Variants in C3orf33 observed in about 807,000 individuals in gnomAD.
C3orf33 encodes mitochondrial inner membrane subdomain organizer 1, also known as AP-1 activity suppressor.
C3orf33 carries 23 observed loss-of-function variants against 28.7 expected under a neutral mutation model. The ratio of observed to expected loss-of-function variants is 0.80; its 90% CI spans 0.58 to 1.13. The LOEUF (loss-of-function observed/expected upper bound fraction) is 1.13, where lower values mean the gene tolerates loss of function less well. C3orf33 is among the 50% of genes most tolerant of loss of function. The pLI, the probability that C3orf33 is intolerant of heterozygous loss-of-function variation, is 0.00. For missense variants in C3orf33, 327 were observed against 353.4 expected (o/e 0.93, Z 0.60); for synonymous variants, 119 against 120.5 (o/e 0.99, Z 0.08).
At chr3:155,783,352 G>A (rs541408872) in intron 2 of C3orf33, among the ~76,000 whole-genome samples, 15 of 151,814 alleles carry the variant, frequency 9.9e-5, no homozygotes, top group Non-Finnish European at 1.6e-4. Context: ...ACACGTTTTC[G>A]CCATGTTGGC....
intron 3 of C3orf33, among the ~76,000 whole-genome samples, chr3:155,768,717 A>G (rs1248819506): frequency 2.0e-5 from 3 of 152,254 alleles, no homozygotes. Flanking sequence ...CTTTAGTTCA[A>G]GAAGATATCC....
intron 2 of C3orf33, among the ~76,000 whole-genome samples, chr3:155,798,333 T>C (rs995039508): frequency 6.6e-6 from 1 of 152,216 alleles, no homozygotes; most frequent in East Asian, 1.9e-4. Context: ...CTGAGTATAA[T>C]GAACAAAACT....
At chr3:155,796,875 G>A (rs1410498998) in intron 2 of C3orf33, among the ~76,000 whole-genome samples, 1 of 152,122 alleles carries the variant, frequency 6.6e-6, no homozygotes, top group South Asian at 2.1e-4. Context: ...TAAATCAATC[G>A]ATGTGATACA....
chr3:155,786,949 A>C (rs931157443), intron 2 of C3orf33, among the ~76,000 whole-genome samples: 2 of 152,210 alleles, frequency 1.3e-5, no homozygotes, highest in Non-Finnish European at 2.9e-5. Flanking sequence ...ATCTCCCAAC[A>C]AAAGGAAGCC....
chr3:155,765,966 T>G (rs1187369014), intron 4 of C3orf33, among the ~76,000 whole-genome samples: 1 of 152,252 alleles, frequency 6.6e-6, no homozygotes, highest in Non-Finnish European at 1.5e-5. Context: ...ATTAATGAAT[T>G]TCATTAAGCT....
At position 155,775,689 on chromosome 3, in the gene C3orf33, T is replaced by G. The variant is rs778267617; in HGVS notation, c.322+12A>C. 1 of 1,491,978 alleles carries G rather than the reference T, an allele frequency of 6.7e-7. No individual in the cohort carries two copies. The highest frequency in any genetic ancestry group is 2.0e-5 in the Admixed American group (1 of 49,600). The allele number at this position is 1,491,978 out of a possible 1,614,324, so 92.4% of individuals were successfully genotyped here. On this transcript the variant is annotated intron_variant, in intron 3 of 4. Coordinates refer to ENST00000340171, the MANE Select transcript of C3orf33 (RefSeq NM_001308229.2). ...ACAATAGTTAGTTTCATTAATCTTG[T>G]ACCTTACTTACTTCTCAATGAAGCT...
At chr3:155,781,003 T>A (rs892487800) in intron 2 of C3orf33, among the ~76,000 whole-genome samples, 7 of 150,400 alleles carry the variant, frequency 4.7e-5, no homozygotes, top group Non-Finnish European at 8.8e-5. Context: ...TTTTTTTTTT[T>A]TTTTTGAGAC....
intron 1 of C3orf33, 27 bp downstream of exon 1, chr3:155,806,112 C>T: frequency 7.3e-7 from 1 of 1,378,264 alleles, no homozygotes; most frequent in East Asian, 2.9e-5. Context: ...GCGCCCACCA[C>T]CCGCCCAGAC....
chr3:155,800,512 G>A (rs1486818449), intron 2 of C3orf33, among the ~76,000 whole-genome samples: 2 of 145,648 alleles, frequency 1.4e-5, no homozygotes, highest in Non-Finnish European at 3.0e-5. Context: ...GCTGAGGCAT[G>A]AGGATGAGGA....
rs778992713 is a variant in C3orf33 at position 155,788,035 on chromosome 3, CA to C, written c.175-12188del. Among the ~76,000 whole-genome samples, 12 of 151,296 alleles carry C rather than the reference CA, an allele frequency of 7.9e-5. No homozygotes were observed. The East Asian group carries it at 2.2e-3, about 28-fold the overall frequency. ...TGAAACCCCGTCTCTACTAAAAATACAAAAAATTAGCCGGGCGTGGTGGCGG... is the reference window on the plus strand; with the variant it reads ...TGAAACCCCGTCTCTACTAAAAATACAAAAATTAGCCGGGCGTGGTGGCGG... On this transcript the variant is annotated intron_variant, in intron 2 of 4. Coordinates refer to ENST00000340171, the MANE Select transcript of C3orf33 (RefSeq NM_001308229.2).
At chr3:155,802,472 C>A in intron 2 of C3orf33, 60 bp downstream of exon 2, 1 of 1,291,342 alleles carries the variant, frequency 7.7e-7, no homozygotes, top group South Asian at 1.2e-5. Context: ...TAAAAATTGT[C>A]TGAAATGGAA....
intron 2 of C3orf33, among the ~76,000 whole-genome samples, chr3:155,781,296 A>G (rs1366246715): frequency 6.6e-6 from 1 of 151,820 alleles, no homozygotes. Context: ...AGAAAAATAA[A>G]CCCCTTACAT....
intron 2 of C3orf33, among the ~76,000 whole-genome samples, chr3:155,793,185 T>C (rs1335254110): frequency 6.8e-6 from 1 of 147,618 alleles, no homozygotes; most frequent in South Asian, 2.1e-4. Context: ...CATAAAGTGC[T>C]GAAGAAAAGA....
At chr3:155,794,705 CAG>C (rs951901117) in intron 2 of C3orf33, among the ~76,000 whole-genome samples, 4 of 151,866 alleles carry the variant, frequency 2.6e-5, no homozygotes, top group African/African-American at 7.3e-5. Flanking sequence ...TCCATGCAAA[CAG>C]AAACTGCAGA....
In C3orf33 at chr3:155,763,024, T is replaced by C. The variant is rs1003995598; in HGVS notation, c.*493A>G. ...CTAAAAATGCAAAATTAGCCGGGCA[T>C]GGTGGTGCATGCCTGTAATCCCAGC... On this transcript the variant is annotated 3_prime_UTR_variant, in exon 5 of 5. Transcript: ENST00000340171. The C allele has an allele frequency of 6.6e-6, 1 of 152,170 alleles. No homozygotes were observed. The highest frequency in any genetic ancestry group is 2.4e-5 in the African/African-American group (1 of 41,358). 9.4% of individuals were successfully genotyped at this position (152,170 alleles called of 1,614,324 possible).
chr3:155,763,922 G>A lies in C3orf33; in HGVS notation c.484-4C>T. 1 of 1,399,796 alleles carries A rather than the reference G, an allele frequency of 7.1e-7. No homozygotes were observed. Among genetic ancestry groups the A allele is most frequent in the Non-Finnish European group, 9.3e-7 (1 of 1,075,092 alleles). 86.7% of individuals were successfully genotyped at this position (1,399,796 alleles called of 1,614,324 possible). ...GATTCACGCTGAAATATCCACCCTT[G>A]AATTTAAAAATAATACAAACCAATT... On this transcript the variant is annotated splice_region_variant and splice_polypyrimidine_tract_variant and intron_variant, in intron 4 of 4. Coordinates refer to ENST00000340171, the MANE Select transcript of C3orf33 (RefSeq NM_001308229.2).
chr3:155,770,638 A>T (rs1750551986), intron 3 of C3orf33, among the ~76,000 whole-genome samples: 1 of 152,114 alleles, frequency 6.6e-6, no homozygotes, highest in Admixed American at 6.6e-5. Flanking sequence ...TCCAGAAACA[A>T]ATTGATTTTT....
intron 2 of C3orf33, among the ~76,000 whole-genome samples, chr3:155,787,621 T>C (rs1219346318): frequency 6.6e-6 from 1 of 151,554 alleles, no homozygotes; most frequent in Non-Finnish European, 1.5e-5. Flanking sequence ...CAAAGTGCTA[T>C]GATTACAGGC....
chr3:155,787,161 G>A (rs1271333866), intron 2 of C3orf33, among the ~76,000 whole-genome samples: 5 of 152,046 alleles, frequency 3.3e-5, no homozygotes, highest in South Asian at 4.1e-4. Flanking sequence ...AAACATTGAC[G>A]AAGAAATTCT....
Sources: allele counts gnomAD v4.1 joint callset (sites outside exome capture counted in the v4.1 genomes callset), GRCh38; gene constraint gnomAD v4.1.1; transcripts MANE v1.5; gene names NCBI Gene and HGNC (gene_info 2026-07-23, HGNC 2026-07-21).